Variants in NELL1 observed in about 807,000 individuals in gnomAD.
NELL1 encodes the protein neural EGFL like 1, also known as protein kinase C-binding protein NELL1.
A neutral mutation model predicts 107.4 loss-of-function variants in NELL1; 76 were observed. The observed-to-expected ratio is 0.71, with a 90% CI of 0.59 to 0.86. NELL1 has a LOEUF of 0.86. Ranked by LOEUF, NELL1 falls within the 40% of genes least tolerant of loss-of-function variation. NELL1 has a pLI of 0.00. For synonymous variants in NELL1, 353 were observed against 341.2 expected, an observed-to-expected ratio of 1.03 and a Z score of -0.38; for missense variants, 1,024 against 1,005.5, an observed-to-expected ratio of 1.02 and a Z score of -0.25.
intron 15 of NELL1, among the ~76,000 whole-genome samples, chr11:21,514,892 CATT>C (rs1855520076): frequency 6.6e-6 from 1 of 152,062 alleles, no homozygotes; most frequent in Admixed American, 6.6e-5. Context: ...TTGCCAATGT[CATT>C]ATTGAGAAGC....
At chr11:21,204,496 A>G (rs1001688231) in intron 13 of NELL1, among the ~76,000 whole-genome samples, 2 of 151,884 alleles carry the variant, frequency 1.3e-5, no homozygotes, top group African/African-American at 4.8e-5. Context: ...TGGTTATTCT[A>G]GTTAGCAATT....
At chr11:21,107,239 A>G (rs1195656914) in intron 12 of NELL1, among the ~76,000 whole-genome samples, 1 of 152,172 alleles carries the variant, frequency 6.6e-6, no homozygotes, top group East Asian at 1.9e-4. Flanking sequence ...ACCTGAATCC[A>G]CCATTACAGT....
At chr11:20,817,217 C>T (rs536386044) in intron 3 of NELL1, among the ~76,000 whole-genome samples, 2 of 152,166 alleles carry the variant, frequency 1.3e-5, no homozygotes, top group African/African-American at 2.4e-5. Flanking sequence ...AGAATTGGTA[C>T]CAACTCTTCT....
At chr11:21,270,118 A>G (rs79179191) in intron 14 of NELL1, among the ~76,000 whole-genome samples, 296 of 152,236 alleles carry the variant, frequency 1.9e-3, no homozygotes, top group African/African-American at 6.7e-3. Context: ...CTCAAAAAGA[A>G]GACAAAGATT....
At chr11:20,968,319 G>A (rs1409210700) in intron 12 of NELL1, among the ~76,000 whole-genome samples, 2 of 151,700 alleles carry the variant, frequency 1.3e-5, no homozygotes, top group East Asian at 3.9e-4. Context: ...ATAGTGCATG[G>A]TACATTATAG....
At chr11:21,521,358 CTG>C (rs1855719816) in intron 15 of NELL1, among the ~76,000 whole-genome samples, 1 of 152,150 alleles carries the variant, frequency 6.6e-6, no homozygotes, top group South Asian at 2.1e-4. Context: ...AAAACACACT[CTG>C]TAAGATTTCA....
intron 13 of NELL1, among the ~76,000 whole-genome samples, chr11:21,225,203 T>C (rs1857863349): frequency 6.6e-6 from 1 of 152,164 alleles, no homozygotes; most frequent in Non-Finnish European, 1.5e-5. Flanking sequence ...TACATTCTGG[T>C]GGCAGCTCTG....
chr11:20,819,149 TG>T (rs1857691530), intron 3 of NELL1, among the ~76,000 whole-genome samples: 1 of 152,142 alleles, frequency 6.6e-6, no homozygotes, highest in Non-Finnish European at 1.5e-5. Context: ...AGTGCTTTGG[TG>T]GTATTTTTAA....
chr11:20,970,293 C>T (rs924510416), intron 12 of NELL1, among the ~76,000 whole-genome samples: 6 of 152,054 alleles, frequency 3.9e-5, no homozygotes, highest in African/African-American at 1.2e-4. Flanking sequence ...TGCAGCCCTA[C>T]GAAAGGCATA....
At chr11:20,958,386 CT>C (rs1851221729) in intron 11 of NELL1, among the ~76,000 whole-genome samples, 1 of 152,160 alleles carries the variant, frequency 6.6e-6, no homozygotes, top group Admixed American at 6.5e-5. Context: ...GCACTCCAAC[CT>C]GGGCAACAGA....
intron 13 of NELL1, among the ~76,000 whole-genome samples, chr11:21,186,793 A>C (rs1291093204): frequency 6.6e-6 from 1 of 151,938 alleles, no homozygotes; most frequent in African/African-American, 2.4e-5. Flanking sequence ...GGAAATGAAT[A>C]AGTAGTGGAT....
chr11:20,841,153 C>T (rs1848615376), intron 3 of NELL1, among the ~76,000 whole-genome samples: 1 of 152,120 alleles, frequency 6.6e-6, no homozygotes, highest in Non-Finnish European at 1.5e-5. Context: ...GGAAAGGTAT[C>T]TCTGCTCCAT....
At chr11:21,157,407 A>C (rs1467540052) in intron 13 of NELL1, among the ~76,000 whole-genome samples, 2 of 152,186 alleles carry the variant, frequency 1.3e-5, no homozygotes, top group African/African-American at 4.8e-5. Flanking sequence ...ATTGTGTATG[A>C]AAGCAAGTAT....
At chr11:20,870,170 A>G (rs941932922) in intron 4 of NELL1, among the ~76,000 whole-genome samples, 1 of 152,188 alleles carries the variant, frequency 6.6e-6, no homozygotes, top group Non-Finnish European at 1.5e-5. Flanking sequence ...GTAAGAGGTA[A>G]GGAAATAATC....
intron 2 of NELL1, among the ~76,000 whole-genome samples, chr11:20,732,857 A>C (rs905821386): frequency 8.5e-5 from 13 of 152,060 alleles, no homozygotes; most frequent in African/African-American, 3.1e-4. Flanking sequence ...TTCATTCATT[A>C]ATTCTTTTGT....
intron 13 of NELL1, among the ~76,000 whole-genome samples, chr11:21,213,839 A>G (rs1422729147): frequency 3.3e-5 from 5 of 152,186 alleles, no homozygotes; most frequent in Non-Finnish European, 5.9e-5. Flanking sequence ...AATTAACTCA[A>G]ATGTATCATG....
At chr11:21,441,198 T>C (rs148622941) in intron 15 of NELL1, among the ~76,000 whole-genome samples, 2 of 152,256 alleles carry the variant, frequency 1.3e-5, no homozygotes, top group African/African-American at 4.8e-5. Context: ...TGGCTGTCTT[T>C]ATTTCTTCTA....
intron 15 of NELL1, among the ~76,000 whole-genome samples, chr11:21,479,800 T>C (rs943706725): frequency 6.6e-6 from 1 of 152,154 alleles, no homozygotes; most frequent in Non-Finnish European, 1.5e-5. Context: ...TCATGTACCA[T>C]ATAAATACAC....
intron 15 of NELL1, among the ~76,000 whole-genome samples, chr11:21,414,707 T>G (rs80040351): frequency 0.06 from 9,196 of 152,148 alleles, 758 homozygotes; most frequent in East Asian, 0.3. Context: ...GGTTTCTAAG[T>G]ACATTTTAGG....
Sources: gnomAD v4.1 joint callset for allele counts (sites outside exome capture counted in the v4.1 genomes callset) on GRCh38, gnomAD v4.1.1 for gene constraint, MANE v1.5 for transcripts, NCBI Gene and HGNC (gene_info 2026-07-23, HGNC 2026-07-21) for gene names.